The following NDUFV1 variants were observed in gnomAD, a reference collection of about 807,000 sequenced individuals.
NDUFV1 encodes NADH:ubiquinone oxidoreductase core subunit V1.
A neutral mutation model predicts 48.7 loss-of-function variants in NDUFV1; 41 were observed. That is an observed-to-expected ratio of 0.84 (90% CI 0.66 to 1.09). The LOEUF is 1.09. Among genes scored for constraint, NDUFV1 ranks in the 50% least tolerant of loss-of-function variants. NDUFV1 has a pLI of 0.00. For synonymous variants in NDUFV1, 231 were observed against 259.1 expected, an observed-to-expected ratio of 0.89 and a Z score of 1.04; for missense variants, 580 against 645.4, an observed-to-expected ratio of 0.90 and a Z score of 1.10.
chr11:67,609,372 C>T, intron 3 of NDUFV1, 80 bp from the exon 4 acceptor site: 4 of 1,479,714 alleles, frequency 2.7e-6, no homozygotes, highest in South Asian at 1.2e-5. Context: ...TGAGGCCTCC[C>T]TGGGTGGAGT....
intron 1 of NDUFV1, chr11:67,607,577 T>G: frequency 2.3e-6 from 1 of 436,324 alleles, no homozygotes; most frequent in Non-Finnish European, 4.6e-6. Context: ...AGGAGGCATT[T>G]CTTTCCCATC....
At chr11:67,608,167 A>T in intron 1 of NDUFV1, 1 of 571,608 alleles carries the variant, frequency 1.7e-6, no homozygotes, top group Non-Finnish European at 3.1e-6. Flanking sequence ...TGGAGTTTGC[A>T]GTGAGCTGAG....
rs139894497 is a variant in NDUFV1, at chr11:67,611,449, C to A, written c.960C>A (p.Gly320=). 1.2e-6 allele frequency: 2 copies of A among 1,614,094 alleles called. No homozygotes were observed. Among genetic ancestry groups the A allele is most frequent in the Admixed American group, 3.3e-5 (2 of 60,018 alleles). ...GWDNLLAVIP[G]GSSTPLIPKS... ...ACAACCTCCTTGCTGTGATCCCTGG[C>A]GGCTCGTCTACCCCACTGATCCCCA... The change falls in exon 7 of 10, where the codon GGC becomes GGA. Residue 320 remains glycine (G), a synonymous_variant. Transcript: ENST00000322776. The surrounding 1 kb of genome is among the most constrained non-coding windows in gnomAD (Gnocchi z 4.2).
chr11:67,607,267 C>A (rs1038051769), intron 1 of NDUFV1, 191 bp downstream of exon 1: 1 of 731,148 alleles, frequency 1.4e-6, no homozygotes. Flanking sequence ...CTCCCTTGAC[C>A]CTCTGACTTG....
chr11:67,609,292 G>A (rs2134083581), intron 3 of NDUFV1, 160 bp from the exon 4 acceptor site: 2 of 698,070 alleles, frequency 2.9e-6, no homozygotes, highest in South Asian at 3.7e-5. Context: ...TGTCATTGGT[G>A]GTGAGCAAGC....
chr11:67,609,318 T>G, intron 3 of NDUFV1, 134 bp from the exon 4 acceptor site: 10 of 855,176 alleles, frequency 1.2e-5, no homozygotes, highest in Non-Finnish European at 1.7e-5. Flanking sequence ...CCCTGGGACA[T>G]GTTGGGAGGG....
At position 67,612,143 on chromosome 11, in the gene NDUFV1, A is replaced by G; in HGVS notation, c.1186A>G (p.Met396Val). 6.2e-7 allele frequency: 1 copy of G among 1,613,544 alleles called. No homozygotes were observed. The highest frequency in any genetic ancestry group is 8.5e-7 in the Non-Finnish European group (1 of 1,179,916). Residue 396 changes from methionine (M) to valine (V), a missense_variant, in exon 9 of 10, where the codon ATG (methionine) becomes GTG (valine). By Grantham distance (21) the Met-to-Val change is conservative. Transcript: ENST00000322776. The surrounding 1 kb of genome is among the most constrained non-coding windows in gnomAD (Gnocchi z 4.4). Reference sequence around the variant, plus strand: ...AGGTGTGGACTGGATGAACAAGGTGATGGCACGTTTCGTGAGGGGGGATGC... The same window carrying G: ...AGGTGTGGACTGGATGAACAAGGTGGTGGCACGTTTCGTGAGGGGGGATGC... ...REGVDWMNKVMARFVRGDARP... is the reference protein window; with the variant it reads ...REGVDWMNKVVARFVRGDARP...
Position 67,612,408 on chromosome 11 carries a change from C to T in NDUFV1, c.1345C>T (p.Arg449Trp), listed in dbSNP as rs775238690. ...IRHFRPELEE[R>W]MQRFAQQHQA... ...CCACTTTCGGCCGGAGCTCGAGGAG[C>T]GGATGCAGCGGTTTGCCCAGCAGCA... The change falls in exon 10 of 10, where the codon CGG becomes TGG. Residue 449 changes from arginine (R) to tryptophan (W), a missense_variant. Physicochemically the swap from Arg to Trp is moderately radical, Grantham distance 101 (BLOSUM62 -3). Transcript: ENST00000322776. This position sits in a 1 kb window ranked among gnomAD's most constrained non-coding sequence, Gnocchi z 4.4. The T allele has an allele frequency of 2.4e-5, 38 of 1,612,570 alleles. No individual in the cohort carries two copies. The highest frequency in any genetic ancestry group is 2.0e-4 in the Middle Eastern group (1 of 4,966).
Position 67,609,751 on chromosome 11 carries a change from G to A in NDUFV1, c.510+116G>A, listed in dbSNP as rs147518426. The A allele has an allele frequency of 1.2e-4, 152 of 1,249,164 alleles. 2 individuals carry two copies. The African/African-American group carries it at 1.9e-3, about 15-fold the overall frequency. 77.4% of individuals were successfully genotyped at this position (1,249,164 alleles called of 1,614,324 possible). A position where few individuals can be genotyped will look rare whatever the true frequency, so the allele number is the denominator to read the frequency against. The stretch of plus-strand genomic sequence containing the variant: ...CCTGGTCTGTCAGTGGTTGAACTGG[G>A]GGAGTGGTGGCCAGTCCTGCATGCA... On this transcript the variant is annotated intron_variant, in intron 4 of 9. Coordinates refer to ENST00000322776, the MANE Select transcript of NDUFV1 (RefSeq NM_007103.4).
intron 1 of NDUFV1, 152 bp from the exon 2 acceptor site, chr11:67,608,244 A>G: frequency 1.4e-6 from 1 of 734,054 alleles, no homozygotes. Flanking sequence ...AAAAATGCTT[A>G]CTAAGTGGCA....
At position 67,608,491 on chromosome 11, in the gene NDUFV1, C is replaced by T. The variant is rs369093442; in HGVS notation, c.155+13C>T. On this transcript the variant is annotated intron_variant, in intron 2 of 9. Transcript: ENST00000322776. ...GCCATGACTGGAGGTGAGACAGTGCCCTTAGTGTGTTGGGTCCCGGAGCAA... is the reference window on the plus strand; with the variant it reads ...GCCATGACTGGAGGTGAGACAGTGCTCTTAGTGTGTTGGGTCCCGGAGCAA... The T allele has an allele frequency of 6.6e-5, 106 of 1,614,072 alleles. No individual in the cohort carries two copies. The highest frequency in any genetic ancestry group is 8.3e-5 in the Admixed American group (5 of 60,004).
chr11:67,610,669 C>G, intron 5 of NDUFV1, 99 bp downstream of exon 5: 2 of 1,496,514 alleles, frequency 1.3e-6, no homozygotes. Context: ...TGAGTGGCTT[C>G]CCGGCTGGGG....
Position 67,611,523 on chromosome 11 carries a change from C to T in NDUFV1, c.1034C>T (p.Ala345Val). The change falls in exon 7 of 10, where the codon GCA (alanine) becomes GTA (valine). Residue 345 changes from alanine to valine, a missense_variant. Physicochemically the swap from Ala to Val is moderately conservative, Grantham distance 64. Coordinates refer to ENST00000322776, the MANE Select transcript of NDUFV1 (RefSeq NM_007103.4). This position sits in a 1 kb window ranked among gnomAD's most constrained non-coding sequence, Gnocchi z 4.2. The stretch of plus-strand genomic sequence containing the variant: ...ATGGACTTCGATGCGCTGGTGCAGG[C>T]ACAGACAGGCCTGGGCACAGCTGCG... ...VLMDFDALVQ[A>V]QTGLGTAAVI... 6.2e-7 allele frequency: 1 copy of T among 1,612,570 alleles called. No individual in the cohort carries two copies. Among genetic ancestry groups the T allele is most frequent in the South Asian group, 1.1e-5 (1 of 90,576 alleles).
Position 67,612,108 on chromosome 11 carries a change from C to T in NDUFV1, c.1163-12C>T, listed in dbSNP as rs1591111989. 2.5e-6 allele frequency: 4 copies of T among 1,608,382 alleles called. No homozygotes were observed. In the Admixed American group the frequency reaches 5.0e-5, roughly 20 times the overall value. On this transcript the variant is annotated splice_polypyrimidine_tract_variant and intron_variant, in intron 8 of 9. Coordinates refer to ENST00000322776, the MANE Select transcript of NDUFV1 (RefSeq NM_007103.4). The surrounding 1 kb of genome is among the most constrained non-coding windows in gnomAD (Gnocchi z 4.4). ...GAGATCATCAGGCCCTCTCTTGTGG[C>T]TGTGGCTGCAGGTGTGGACTGGATG...
At chr11:67,610,221 C>G (rs997667730) in intron 4 of NDUFV1, 160 bp from the exon 5 acceptor site, 1 of 711,758 alleles carries the variant, frequency 1.4e-6, no homozygotes, top group Non-Finnish European at 2.4e-6. Flanking sequence ...AGATCATAGT[C>G]AAGTTTTCCA....
At chr11:67,608,913 CAT>C (rs1171229064) in intron 3 of NDUFV1, among the ~76,000 whole-genome samples, 191 bp downstream of exon 3, 4 of 152,212 alleles carry the variant, frequency 2.6e-5, no homozygotes, top group Non-Finnish European at 4.4e-5. Flanking sequence ...AGAATCAACA[CAT>C]GATTTTGACT....
intron 4 of NDUFV1, 115 bp from the exon 5 acceptor site, chr11:67,610,266 C>T: frequency 8.0e-7 from 1 of 1,242,366 alleles, no homozygotes; most frequent in Non-Finnish European, 1.2e-6. Context: ...TTTTTTATAC[C>T]AGGAGCATTA....
At chr11:67,610,305 G>A in intron 4 of NDUFV1, 76 bp from the exon 5 acceptor site, 1 of 1,560,064 alleles carries the variant, frequency 6.4e-7, no homozygotes, top group Non-Finnish European at 8.8e-7. Context: ...GCCTTCAAGG[G>A]CTTCATGACT....
At chr11:67,608,766 T>G (rs770341221) in intron 3 of NDUFV1, 44 bp downstream of exon 3, 1 of 1,609,524 alleles carries the variant, frequency 6.2e-7, no homozygotes, top group Non-Finnish European at 8.5e-7. Context: ...GGGAGAGACC[T>G]TGGGGGTGGC....
Sources: gnomAD v4.1 joint callset for allele counts (sites outside exome capture counted in the v4.1 genomes callset) on GRCh38, gnomAD v4.1.1 for gene constraint, Gnocchi (gnomAD v3.1) non-coding constraint, MANE v1.5 for transcripts, NCBI Gene and HGNC (gene_info 2026-07-23, HGNC 2026-07-21) for gene names.